Variants in KLF8 observed in about 807,000 individuals in gnomAD.
KLF8 encodes the protein Krueppel-like factor 8.
In KLF8, 10 loss-of-function variants were observed where a neutral mutation model predicts 18.2. The ratio of observed to expected loss-of-function variants is 0.55; its 90% CI spans 0.34 to 0.93. KLF8 has a LOEUF of 0.93. KLF8 is among the 40% of genes least tolerant of loss of function. KLF8 has a pLI of 0.02. For missense variants in KLF8, 264 were observed against 277.9 expected, an observed-to-expected ratio of 0.95 and a Z score of 0.36; for synonymous variants, 109 against 97.3, an observed-to-expected ratio of 1.12 and a Z score of -0.71.
chrX:56,110,827 G>C, the KLF8 span, among the ~76,000 whole-genome samples: 2 of 111,165 alleles, frequency 1.8e-5, no homozygotes, highest in African/African-American at 6.5e-5. Context: ...TCATTAATTT[G>C]TCTTTTAAAT....
At chrX:56,256,877 A>G (rs2066803272) in intron 2 of KLF8, among the ~76,000 whole-genome samples, 1 of 110,789 alleles carries the variant, frequency 9.0e-6, no homozygotes, top group African/African-American at 3.3e-5. Context: ...CTAATTTTGT[A>G]TTTTTAGTAG....
intron 5 of KLF8, among the ~76,000 whole-genome samples, chrX:56,281,010 GACTA>G (rs1399926932): frequency 9.0e-6 from 1 of 111,699 alleles, no homozygotes; most frequent in Non-Finnish European, 1.9e-5. Context: ...GAGTTAAACA[GACTA>G]ACTTTTAGAC....
At chrX:56,082,839 G>T in the KLF8 span, among the ~76,000 whole-genome samples, 5 of 111,406 alleles carry the variant, frequency 4.5e-5, no homozygotes, top group South Asian at 3.7e-4. Context: ...TTTTCTTTGA[G>T]CACCTAAATA....
the KLF8 span, among the ~76,000 whole-genome samples, chrX:56,225,638 C>T: frequency 2.7e-5 from 3 of 112,107 alleles, no homozygotes; most frequent in Non-Finnish European, 5.6e-5. Flanking sequence ...AGTGCTTAGT[C>T]TGTGGCAAGT....
the KLF8 span, among the ~76,000 whole-genome samples, chrX:56,213,304 C>CTTTTTTTTTTTTTTTTTTTTTT: frequency 6.4e-5 from 2 of 31,392 alleles, no homozygotes; most frequent in Admixed American, 2.9e-4. Flanking sequence ...CTTTTCTTTT[C>CTTTTTTTTTTTTTTTTTTTTTT]TTTTCTTTTC....
At chrX:55,957,316 G>A in the KLF8 span, among the ~76,000 whole-genome samples, 2 of 112,139 alleles carry the variant, frequency 1.8e-5, no homozygotes, top group Non-Finnish European at 3.8e-5. Flanking sequence ...TTTGAAATCA[G>A]GAACTGTGAA....
At chrX:56,166,197 T>C in the KLF8 span, among the ~76,000 whole-genome samples, 1 of 109,672 alleles carries the variant, frequency 9.1e-6, no homozygotes, top group African/African-American at 3.3e-5. Flanking sequence ...CTTCTGGCCA[T>C]ATAGAATATT....
the KLF8 span, among the ~76,000 whole-genome samples, chrX:56,028,728 C>T: frequency 9.0e-6 from 1 of 111,363 alleles, no homozygotes; most frequent in African/African-American, 3.3e-5. Flanking sequence ...TGACACCTGA[C>T]CCCGGGTCTT....
chrX:56,039,840 A>G, the KLF8 span, among the ~76,000 whole-genome samples: 1 of 111,428 alleles, frequency 9.0e-6, no homozygotes, highest in African/African-American at 3.3e-5. Flanking sequence ...TTTTTATTAT[A>G]TTGATTTTTC....
At chrX:56,268,928 G>A (rs967571448) in intron 3 of KLF8, 1 of 950,038 alleles carries the variant, frequency 1.1e-6, no homozygotes, top group Admixed American at 3.5e-5. Context: ...CAAAGGCCAA[G>A]GTGGATGTTC....
At chrX:55,968,048 G>A in the KLF8 span, among the ~76,000 whole-genome samples, 1 of 111,541 alleles carries the variant, frequency 9.0e-6, no homozygotes, top group Admixed American at 9.5e-5. Flanking sequence ...TGAGAAGCAA[G>A]AAATTAAAAC....
the KLF8 span, among the ~76,000 whole-genome samples, chrX:56,061,731 T>G: frequency 9.0e-6 from 1 of 111,096 alleles, no homozygotes; most frequent in Non-Finnish European, 1.9e-5. Context: ...CTTTTCTGTC[T>G]TGTTTACCTG....
chrX:56,179,560 T>C, the KLF8 span, among the ~76,000 whole-genome samples: 3,978 of 112,060 alleles, frequency 0.035, 184 homozygotes, highest in African/African-American at 0.12. Context: ...GGCATCCCTG[T>C]CTTGTGACAG....
At chrX:56,236,266 A>G (rs969389092) in intron 1 of KLF8, among the ~76,000 whole-genome samples, 1 of 112,132 alleles carries the variant, frequency 8.9e-6, no homozygotes, top group Non-Finnish European at 1.9e-5. Flanking sequence ...TACTATGACC[A>G]TAGTAATGGT....
intron 1 of KLF8, among the ~76,000 whole-genome samples, chrX:56,247,027 T>TA (rs2066630904): frequency 8.9e-6 from 1 of 111,771 alleles, no homozygotes; most frequent in South Asian, 3.7e-4. Context: ...ACATGTACAG[T>TA]TATTCATCCC....
chrX:56,221,702 G>T, the KLF8 span, among the ~76,000 whole-genome samples: 26 of 111,408 alleles, frequency 2.3e-4, no homozygotes, highest in Non-Finnish European at 4.1e-4. Context: ...TCGTGGTCTC[G>T]CTGGCTTCCG....
the KLF8 span, among the ~76,000 whole-genome samples, chrX:56,170,036 G>A: frequency 9.0e-6 from 1 of 111,012 alleles, no homozygotes; most frequent in African/African-American, 3.3e-5. Flanking sequence ...GTACACAAGA[G>A]TCTCTGCCTG....
the KLF8 span, among the ~76,000 whole-genome samples, chrX:55,969,659 T>G: frequency 9.0e-6 from 1 of 111,225 alleles, no homozygotes; most frequent in South Asian, 3.8e-4. Flanking sequence ...AAAGTTGTGG[T>G]TTTTTAAAAG....
At chrX:56,213,309 CTTTTCTTTTT>C in the KLF8 span, among the ~76,000 whole-genome samples, 25 of 23,460 alleles carry the variant, frequency 1.1e-3, no homozygotes, top group African/African-American at 1.6e-3. Context: ...CTTTTCTTTT[CTTTTCTTTTT>C]TTTTTTTTTT....
Sources: gnomAD v4.1 joint callset for allele counts (sites outside exome capture counted in the v4.1 genomes callset) on GRCh38, gnomAD v4.1.1 for gene constraint, MANE v1.5 for transcripts, NCBI Gene and HGNC (gene_info 2026-07-23, HGNC 2026-07-21) for gene names.